Variants in VRK1 observed in about 807,000 individuals in gnomAD.
VRK1 encodes the protein VRK serine/threonine kinase 1.
Under a neutral mutation model 57.1 loss-of-function variants are expected in VRK1, and 33 were observed. The observed-to-expected ratio is 0.58, with a 90% CI of 0.44 to 0.77. VRK1 has a LOEUF of 0.77. Among genes scored for constraint, VRK1 ranks in the 30% least tolerant of loss-of-function variants. The pLI, the probability that VRK1 is intolerant of heterozygous loss-of-function variation, is 0.00. For synonymous variants in VRK1, 137 were observed against 147.8 expected (o/e 0.93, Z 0.53); for missense variants, 413 against 477.3 (o/e 0.87, Z 1.25).
chr14:96,819,086 AC>A (rs1472739386), intron 1 of VRK1, among the ~76,000 whole-genome samples: 2 of 152,204 alleles, frequency 1.3e-5, no homozygotes, highest in Non-Finnish European at 2.9e-5. Context: ...TTGTTGACTG[AC>A]TATCTTTCGT....
At chr14:96,844,924 G>C (rs952358383) in intron 3 of VRK1, among the ~76,000 whole-genome samples, 1 of 152,152 alleles carries the variant, frequency 6.6e-6, no homozygotes, top group African/African-American at 2.4e-5. Flanking sequence ...AGAGAGTATG[G>C]AGTGGTTTTC....
At chr14:96,810,369 T>G (rs1211480764) in intron 1 of VRK1, among the ~76,000 whole-genome samples, 3 of 152,240 alleles carry the variant, frequency 2.0e-5, no homozygotes, top group African/African-American at 7.2e-5. Context: ...TGTTTTTTTG[T>G]GTTTAAGAAG....
chr14:96,846,393 A>G (rs1009056338), intron 4 of VRK1, among the ~76,000 whole-genome samples: 8 of 152,184 alleles, frequency 5.3e-5, no homozygotes, highest in Admixed American at 2.6e-4. Context: ...TAAATGACCT[A>G]TGATTTAGGA....
At chr14:96,832,887 T>C (rs908282726) in intron 1 of VRK1, among the ~76,000 whole-genome samples, 2 of 152,160 alleles carry the variant, frequency 1.3e-5, no homozygotes, top group Admixed American at 1.3e-4. Flanking sequence ...CAATTTTCTG[T>C]TGTTCCACCA....
At position 96,881,204 on chromosome 14, in the gene VRK1, A is replaced by G. The variant is rs1330101815; in HGVS notation, c.1187A>G (p.Lys396Arg). Residue 396 changes from lysine to arginine, a missense_variant, in exon 13 of 13, where the codon AAG becomes AGG. By Grantham distance (26) the Lys-to-Arg change is conservative (BLOSUM62 2). Transcript: ENST00000216639. Reference protein sequence around the residue: ...TRSRTRKRVQK With the variant: ...TRSRTRKRVQR ...TCAAGAACCAGAAAGAGAGTCCAGA[A>G]GTAATTCAGATGCTGTGAACCAGAT... The G allele has an allele frequency of 3.1e-6, 5 of 1,605,010 alleles. No individual in the cohort carries two copies. Among genetic ancestry groups the G allele is most frequent in the Non-Finnish European group, 4.3e-6 (5 of 1,174,906 alleles).
chr14:96,840,830 A>G (rs1480190671), intron 3 of VRK1, among the ~76,000 whole-genome samples: 2 of 150,192 alleles, frequency 1.3e-5, no homozygotes, highest in South Asian at 2.1e-4. Flanking sequence ...GTGTATAATC[A>G]TGTCTTTTTT....
chr14:96,864,986 A>G (rs1888528526), intron 11 of VRK1, among the ~76,000 whole-genome samples: 1 of 151,930 alleles, frequency 6.6e-6, no homozygotes, highest in African/African-American at 2.4e-5. Context: ...TTTGTATGTA[A>G]ACAATGTATG....
At chr14:96,863,897 C>T (rs1430955065) in intron 11 of VRK1, among the ~76,000 whole-genome samples, 3 of 152,140 alleles carry the variant, frequency 2.0e-5, no homozygotes, top group Non-Finnish European at 4.4e-5. Flanking sequence ...CTCCGGTGGA[C>T]AGCTTTCTTC....
At chr14:96,863,852 A>C (rs1305331668) in intron 11 of VRK1, among the ~76,000 whole-genome samples, 1 of 152,152 alleles carries the variant, frequency 6.6e-6, no homozygotes, top group Non-Finnish European at 1.5e-5. Context: ...AATAAGTGCA[A>C]AGCCCTTCCA....
intron 11 of VRK1, among the ~76,000 whole-genome samples, chr14:96,865,005 A>G (rs965439968): frequency 8.6e-5 from 13 of 151,852 alleles, no homozygotes; most frequent in African/African-American, 2.9e-4. Flanking sequence ...TGTGTTGCAC[A>G]TATCATCTTC....
chr14:96,881,194 A>C lies in VRK1; in HGVS notation c.1177A>C (p.Arg393=). The change falls in exon 13 of 13, where the codon AGA becomes CGA. Residue 393 remains arginine, a synonymous_variant. Coordinates refer to ENST00000216639, the MANE Select transcript of VRK1 (RefSeq NM_003384.3). The part of the protein sequence containing the change: ...AIQTRSRTRK[R]VQK The stretch of plus-strand genomic sequence containing the variant: ...TCTTCAAGGTTCAAGAACCAGAAAG[A>C]GAGTCCAGAAGTAATTCAGATGCTG... 1 of 1,605,586 alleles carries C rather than the reference A, an allele frequency of 6.2e-7. No homozygotes were observed. Among genetic ancestry groups the C allele is most frequent in the Non-Finnish European group, 8.5e-7 (1 of 1,175,408 alleles).
At chr14:96,859,853 G>C (rs759988867) in intron 10 of VRK1, among the ~76,000 whole-genome samples, 1 of 152,090 alleles carries the variant, frequency 6.6e-6, no homozygotes, top group Non-Finnish European at 1.5e-5. Context: ...AATTAATGGT[G>C]ATATTTACAC....
At chr14:96,825,049 G>A (rs989310071) in intron 1 of VRK1, among the ~76,000 whole-genome samples, 5 of 152,142 alleles carry the variant, frequency 3.3e-5, no homozygotes, top group African/African-American at 1.2e-4. Flanking sequence ...ATTAGAGAAG[G>A]ATTAATTAAT....
At chr14:96,855,127 C>A in intron 7 of VRK1, 97 bp from the exon 8 acceptor site, 1 of 1,571,388 alleles carries the variant, frequency 6.4e-7, no homozygotes, top group Non-Finnish European at 8.7e-7. Flanking sequence ...TGTAGGTGAA[C>A]CCACCTTCAG....
intron 10 of VRK1, 73 bp from the exon 11 acceptor site, chr14:96,860,484 C>G (rs1239936293): frequency 1.6e-5 from 23 of 1,417,024 alleles, no homozygotes; most frequent in Non-Finnish European, 2.2e-5. Flanking sequence ...TTTACTATAA[C>G]CATGAATTAT....
intron 3 of VRK1, 123 bp from the exon 4 acceptor site, chr14:96,845,972 A>G: frequency 1.1e-6 from 1 of 872,230 alleles, no homozygotes. Context: ...ACACAGTTAT[A>G]AACTTAAGTA....
At chr14:96,829,860 T>C (rs1209752018) in intron 1 of VRK1, among the ~76,000 whole-genome samples, 3 of 152,198 alleles carry the variant, frequency 2.0e-5, no homozygotes, top group South Asian at 2.1e-4. Context: ...CTCACTGATA[T>C]TGACATTTCT....
In VRK1 at chr14:96,847,224, A is replaced by T. The variant is rs773995170; in HGVS notation, c.287-33A>T. 16 of 1,575,552 alleles carry T rather than the reference A, an allele frequency of 1.0e-5. No homozygotes were observed. The South Asian group carries it at 1.7e-4, about 16-fold the overall frequency. On this transcript the variant is annotated intron_variant, in intron 4 of 12. Transcript: ENST00000216639. ...AAAAAATTATCATTTATGTATAACA[A>T]TTGAAATCACAAAGATCTGTTTTAA...
chr14:96,839,686 C>G (rs996407759), intron 3 of VRK1, among the ~76,000 whole-genome samples: 1 of 152,110 alleles, frequency 6.6e-6, no homozygotes, highest in African/African-American at 2.4e-5. Context: ...CCCCTTTCCT[C>G]TTATTTTTAT....
Sources: gnomAD v4.1 joint callset for allele counts (sites outside exome capture counted in the v4.1 genomes callset) on GRCh38, gnomAD v4.1.1 for gene constraint, MANE v1.5 for transcripts, NCBI Gene and HGNC (gene_info 2026-07-23, HGNC 2026-07-21) for gene names.